NR6A1: variants seen among roughly 807,000 people sequenced by gnomAD.
The protein encoded by NR6A1 is nuclear receptor subfamily 6 group A member 1.
In NR6A1, 7 loss-of-function variants were observed where a neutral mutation model predicts 59.1. That is an observed-to-expected ratio of 0.12 (90% confidence interval 0.07 to 0.22). The LOEUF (loss-of-function observed/expected upper bound fraction) is 0.22, where lower values mean the gene tolerates loss of function less well. Among genes scored for constraint, NR6A1 ranks in the 10% least tolerant of loss-of-function variants. The pLI is 1.00. For missense variants in NR6A1, 468 were observed against 611.6 expected, an observed-to-expected ratio of 0.77 and a Z score of 2.48; for synonymous variants, 243 against 236.1, an observed-to-expected ratio of 1.03 and a Z score of -0.27.
intron 2 of NR6A1, among the ~76,000 whole-genome samples, chr9:124,642,206 C>A (rs1007481425): frequency 1.3e-5 from 2 of 150,562 alleles, no homozygotes; most frequent in African/African-American, 4.8e-5. Context: ...CACACCACCA[C>A]GCCCAGCTAA....
chr9:124,599,460 GT>G, intron 2 of NR6A1: 1 of 444,972 alleles, frequency 2.2e-6, no homozygotes, highest in Non-Finnish European at 4.4e-6. Flanking sequence ...TTCCTCCAGC[GT>G]TTTAAAATTT....
intron 2 of NR6A1, among the ~76,000 whole-genome samples, chr9:124,656,196 AG>A (rs1837254683): frequency 6.6e-6 from 1 of 152,086 alleles, no homozygotes; most frequent in South Asian, 2.1e-4. Context: ...TGCACACACC[AG>A]CTCCCTTTCA....
In NR6A1 at chr9:124,624,912, G is replaced by GTTT. The variant is rs71492418; in HGVS notation, c.143-70345_143-70343dup. Among the ~76,000 whole-genome samples, 121 of 134,816 alleles carry GTTT rather than the reference G, an allele frequency of 9.0e-4. 2 individuals carry two copies. The East Asian group carries it at 0.017, about 19-fold the overall frequency. The allele number at this position is 134,816 out of a possible 152,430, so 88.4% of individuals were successfully genotyped here. On this transcript the variant is annotated intron_variant, in intron 2 of 9. Transcript: ENST00000487099. ...ACATTACTTTTTCTGTTGCTAGCTT[G>GTTT]TTTTTTTTTTTTTTTTTCTACCAAC...
intron 2 of NR6A1, among the ~76,000 whole-genome samples, chr9:124,637,900 A>AG (rs1307758368): frequency 7.0e-6 from 1 of 143,554 alleles, no homozygotes. Context: ...TCCAAAAAAA[A>AG]AAAAAAAAAA....
At chr9:124,609,059 G>C (rs1032918279) in intron 2 of NR6A1, among the ~76,000 whole-genome samples, 2 of 151,930 alleles carry the variant, frequency 1.3e-5, no homozygotes, top group African/African-American at 2.4e-5. Context: ...GATGGATTGC[G>C]AAAATTTTCT....
intron 2 of NR6A1, among the ~76,000 whole-genome samples, chr9:124,696,990 A>G (rs1838786704): frequency 6.6e-6 from 1 of 152,192 alleles, no homozygotes; most frequent in African/African-American, 2.4e-5. Context: ...TATTGTGGCC[A>G]TCTTTCCATA....
At chr9:124,567,527 G>A (rs2131419493) in intron 2 of NR6A1, among the ~76,000 whole-genome samples, 1 of 152,240 alleles carries the variant, frequency 6.6e-6, no homozygotes, top group African/African-American at 2.4e-5. Flanking sequence ...ACTTAGGGGA[G>A]GCAGGAGCAG....
At chr9:124,689,227 A>G (rs2131014638) in intron 2 of NR6A1, among the ~76,000 whole-genome samples, 1 of 152,352 alleles carries the variant, frequency 6.6e-6, no homozygotes, top group East Asian at 1.9e-4. Flanking sequence ...AAAATAACAT[A>G]TAAATCTCCA....
intron 2 of NR6A1, among the ~76,000 whole-genome samples, chr9:124,610,799 G>T (rs1195424963): frequency 6.6e-6 from 1 of 152,066 alleles, no homozygotes; most frequent in African/African-American, 2.4e-5. Context: ...GTCTATTCAG[G>T]GATTCAACTT....
intron 3 of NR6A1, among the ~76,000 whole-genome samples, chr9:124,548,805 T>C (rs528919973): frequency 1.2e-4 from 18 of 152,162 alleles, no homozygotes; most frequent in Non-Finnish European, 1.8e-4. Flanking sequence ...GTTAAGGAAA[T>C]TTTTTATTTT....
intron 1 of NR6A1, among the ~76,000 whole-genome samples, chr9:124,760,310 TA>T (rs916695745): frequency 4.0e-5 from 6 of 148,164 alleles, no homozygotes; most frequent in Admixed American, 6.7e-5. Context: ...AGACTCCAAC[TA>T]AAAAAAAATA....
At chr9:124,645,756 C>T (rs1486115105) in intron 2 of NR6A1, among the ~76,000 whole-genome samples, 2 of 152,166 alleles carry the variant, frequency 1.3e-5, no homozygotes, top group Non-Finnish European at 2.9e-5. Flanking sequence ...AACAGCACTA[C>T]CAATCTTTTG....
chr9:124,723,602 T>C (rs1839626558), intron 2 of NR6A1, among the ~76,000 whole-genome samples: 1 of 152,186 alleles, frequency 6.6e-6, no homozygotes. Flanking sequence ...GCCAGCTTAA[T>C]TGAATAAAAC....
chr9:124,721,183 C>T (rs1300688053), intron 2 of NR6A1, among the ~76,000 whole-genome samples: 3 of 152,176 alleles, frequency 2.0e-5, no homozygotes, highest in African/African-American at 7.2e-5. Context: ...ACATCCAAGA[C>T]TATCCAAGGA....
At chr9:124,746,591 A>C (rs560133706) in intron 1 of NR6A1, among the ~76,000 whole-genome samples, 1 of 152,356 alleles carries the variant, frequency 6.6e-6, no homozygotes, top group African/African-American at 2.4e-5. Flanking sequence ...CCGTCTAAAA[A>C]AAGGAAAAAG....
At chr9:124,752,526 T>A (rs1840533324) in intron 1 of NR6A1, among the ~76,000 whole-genome samples, 1 of 152,060 alleles carries the variant, frequency 6.6e-6, no homozygotes, top group African/African-American at 2.4e-5. Flanking sequence ...GCAATAAAAG[T>A]CAAAGAAATT....
At chr9:124,642,283 C>A (rs1317485678) in intron 2 of NR6A1, among the ~76,000 whole-genome samples, 2 of 152,156 alleles carry the variant, frequency 1.3e-5, no homozygotes, top group African/African-American at 4.8e-5. Flanking sequence ...CTCCTGACCT[C>A]GGGTGATCCG....
chr9:124,728,669 T>TAAATAAAG (rs1400030604), intron 2 of NR6A1, among the ~76,000 whole-genome samples: 3 of 151,854 alleles, frequency 2.0e-5, no homozygotes, highest in South Asian at 4.2e-4. Context: ...AATAAATAAA[T>TAAATAAAG]AAAGTACTTG....
At chr9:124,642,292 C>T (rs535512878) in intron 2 of NR6A1, among the ~76,000 whole-genome samples, 2 of 152,266 alleles carry the variant, frequency 1.3e-5, no homozygotes, top group Admixed American at 1.3e-4. Flanking sequence ...TCGGGTGATC[C>T]GCCCACCTTG....
Sources: gnomAD v4.1 joint callset for allele counts (sites outside exome capture counted in the v4.1 genomes callset) on GRCh38, gnomAD v4.1.1 for gene constraint, MANE v1.5 for transcripts, NCBI Gene and HGNC (gene_info 2026-07-23, HGNC 2026-07-21) for gene names.